Variants in PCDHGA4 observed in about 807,000 individuals in gnomAD.
PCDHGA4 encodes protocadherin gamma subfamily A, 4.
PCDHGA4 carries 38 observed loss-of-function variants against 54.6 expected under a neutral mutation model. The ratio of observed to expected loss-of-function variants is 0.70; its 90% confidence interval spans 0.54 to 0.91. The LOEUF (loss-of-function observed/expected upper bound fraction) is 0.91, where lower values mean the gene tolerates loss of function less well. Among genes scored for constraint, PCDHGA4 ranks in the 40% least tolerant of loss-of-function variants. The pLI is 0.00. For synonymous variants in PCDHGA4, 511 were observed against 512.9 expected, an observed-to-expected ratio of 1.00 and a Z score of 0.05; for missense variants, 1,298 against 1,220.9, an observed-to-expected ratio of 1.06 and a Z score of -0.94.
At chr5:141,357,644 C>A in intron 1 of PCDHGA4, 23 bp downstream of exon 1, 4 of 1,610,538 alleles carry the variant, frequency 2.5e-6, no homozygotes, top group Non-Finnish European at 2.5e-6. Flanking sequence ...TATAATAGAT[C>A]ATACCACACT....
At position 141,431,213 on chromosome 5, in the gene PCDHGA4, T is replaced by A; in HGVS notation, c.2515-63594T>A. 6.2e-7 allele frequency: 1 copy of A among 1,614,142 alleles called. No individual in the cohort carries two copies. The highest frequency in any genetic ancestry group is 8.5e-7 in the Non-Finnish European group (1 of 1,180,038). On this transcript the variant is annotated intron_variant, in intron 1 of 3. Coordinates refer to ENST00000571252, the MANE Select transcript of PCDHGA4 (RefSeq NM_018917.4). The surrounding 1 kb of genome is among the most constrained non-coding windows in gnomAD (Gnocchi z 4.8). ...TGAAAATGCAGCCACTGAGATGCGG[T>A]TCCCTCTACCCCACGCCTGGGATCC...
intron 1 of PCDHGA4, chr5:141,413,678 T>G (rs201325660): frequency 5.6e-6 from 9 of 1,613,632 alleles, no homozygotes; most frequent in Non-Finnish European, 7.6e-6. Flanking sequence ...GATGTGGGCG[T>G]GAACTCCCTG....
At chr5:141,374,511 T>G in intron 1 of PCDHGA4, 1 of 1,611,912 alleles carries the variant, frequency 6.2e-7, no homozygotes, top group Non-Finnish European at 8.5e-7. Flanking sequence ...GTGAAAATTC[T>G]CGAAAACGCA....
rs202040451 is a variant in PCDHGA4, at chr5:141,382,987, C to A, written c.2514+25366C>A. The A allele has an allele frequency of 1.5e-4, 247 of 1,613,278 alleles. 1 individual carries two copies. The East Asian group carries it at 4.5e-3, about 30-fold the overall frequency. On this transcript the variant is annotated intron_variant, in intron 1 of 3. Transcript: ENST00000571252. ...GACCCCCTGGGAAGCCTGGGCAGGA[C>A]GTATTCTCTACTCCGTGTCGGAGGA...
chr5:141,475,938 G>T (rs756781296), intron 1 of PCDHGA4: 22 of 682,776 alleles, frequency 3.2e-5, no homozygotes, highest in African/African-American at 7.2e-5. Flanking sequence ...GCCCCTGCCC[G>T]TCCCCTTTCT....
At position 141,507,794 on chromosome 5, in the gene PCDHGA4, C is replaced by CT. The variant is rs576191739; in HGVS notation, c.2662+2314dup. On this transcript the variant is annotated intron_variant, in intron 3 of 3. Coordinates refer to ENST00000571252, the MANE Select transcript of PCDHGA4 (RefSeq NM_018917.4). ...CACAGGGCCTGACCCTCGTCTAAGC[C>CT]TGCGCCCTGGGGAACGGACCCTGGG... 7.9e-4 allele frequency among the ~76,000 whole-genome samples: 120 copies of CT among 152,356 alleles called. 2 individuals carry two copies. The highest frequency in any genetic ancestry group is 2.8e-3 in the African/African-American group (115 of 41,592).
rs1457765340 is a variant in PCDHGA4 at position 141,491,122 on chromosome 5, G to GT, written c.2515-3684dup. 1 of 1,614,058 alleles carries GT rather than the reference G, an allele frequency of 6.2e-7. No homozygotes were observed. Among genetic ancestry groups the GT allele is most frequent in the Non-Finnish European group, 8.5e-7 (1 of 1,180,036 alleles). Reference sequence around the variant, plus strand: ...CCTCGTGTCTACACACACTGGTGAGGTGCGCACAGCCCGGGCCTTACTGGA... The same window carrying GT: ...CCTCGTGTCTACACACACTGGTGAGGTTGCGCACAGCCCGGGCCTTACTGGA... On this transcript the variant is annotated intron_variant, in intron 1 of 3. Coordinates refer to ENST00000571252, the MANE Select transcript of PCDHGA4 (RefSeq NM_018917.4). The surrounding 1 kb of genome is among the most constrained non-coding windows in gnomAD (Gnocchi z 6.9).
chr5:141,371,529 A>G lies in PCDHGA4; in HGVS notation c.2514+13908A>G, dbSNP rs200031435. The G allele has an allele frequency of 3.3e-4, 527 of 1,613,610 alleles. No homozygotes were observed. The highest frequency in any genetic ancestry group is 8.3e-4 in the Admixed American group (50 of 59,952). On this transcript the variant is annotated intron_variant, in intron 1 of 3. Transcript: ENST00000571252. ...AACACATGATCTAGATTCTGGATTTAATGGAGAAATCCTATGCCAACTAAA... is the reference window on the plus strand; with the variant it reads ...AACACATGATCTAGATTCTGGATTTGATGGAGAAATCCTATGCCAACTAAA...
intron 1 of PCDHGA4, chr5:141,441,894 G>T: frequency 2.9e-6 from 1 of 347,862 alleles, no homozygotes; most frequent in Non-Finnish European, 5.6e-6. Context: ...CCAAGGTGGT[G>T]GCTGTAGACG....
At chr5:141,445,086 A>T (rs190267063) in intron 1 of PCDHGA4, among the ~76,000 whole-genome samples, 163 of 152,322 alleles carry the variant, frequency 1.1e-3, no homozygotes, top group African/African-American at 3.6e-3. Flanking sequence ...TTGTCCCTAC[A>T]TATTTGATGT....
intron 1 of PCDHGA4, chr5:141,370,525 G>T: frequency 1.2e-6 from 2 of 1,613,874 alleles, no homozygotes; most frequent in Non-Finnish European, 1.7e-6. Flanking sequence ...CTGGACAGGG[G>T]CTCGCTGGTA....
chr5:141,363,333 A>G (rs899178118), intron 1 of PCDHGA4, among the ~76,000 whole-genome samples: 3 of 152,286 alleles, frequency 2.0e-5, no homozygotes, highest in Non-Finnish European at 2.9e-5. Flanking sequence ...GTTATTAAAT[A>G]AAATGACTTT....
chr5:141,413,880 T>G, intron 1 of PCDHGA4: 1 of 1,613,420 alleles, frequency 6.2e-7, no homozygotes, highest in Non-Finnish European at 8.5e-7. Flanking sequence ...TCAGTGTGAC[T>G]GTCTTCGATG....
intron 1 of PCDHGA4, chr5:141,415,772 T>TA (rs763083459): frequency 1.1e-5 from 15 of 1,332,970 alleles, no homozygotes; most frequent in Non-Finnish European, 1.3e-5. Flanking sequence ...TTTTTTTTTT[T>TA]ACTTTCTGGT....
At chr5:141,383,288 T>A (rs1441416956) in intron 1 of PCDHGA4, 2 of 1,613,768 alleles carry the variant, frequency 1.2e-6, no homozygotes, top group Middle Eastern at 1.6e-4. Flanking sequence ...AATGACAACG[T>A]TCCAAGATTC....
intron 1 of PCDHGA4, chr5:141,395,547 TGTGTGTGTGTGTGTGTGTGTGTGTGTG>T: frequency 5.8e-6 from 1 of 173,894 alleles, no homozygotes; most frequent in Non-Finnish European, 1.2e-5. Flanking sequence ...ATTGTTTGTG[TGTGTGTGTGTGTGTGTGTGTGTGTGTG>T]TGTGTGTGTG....
intron 1 of PCDHGA4, chr5:141,410,140 G>C: frequency 6.2e-7 from 1 of 1,612,782 alleles, no homozygotes; most frequent in Non-Finnish European, 8.5e-7. Context: ...TGGTCGCTGT[G>C]CGTGACGGTG....
chr5:141,364,207 C>T (rs1763218891), intron 1 of PCDHGA4: 1 of 1,184,316 alleles, frequency 8.4e-7, no homozygotes, highest in African/African-American at 1.5e-5. Context: ...ACCAGACAAG[C>T]TCCTACGAAA....
At chr5:141,399,720 C>G (rs1217371004) in intron 1 of PCDHGA4, 2 of 1,613,306 alleles carry the variant, frequency 1.2e-6, no homozygotes, top group South Asian at 2.2e-5. Context: ...TACAGGCCCG[C>G]GACCAGGGCT....
Sources: allele counts gnomAD v4.1 joint callset (sites outside exome capture counted in the v4.1 genomes callset), GRCh38; gene constraint gnomAD v4.1.1; non-coding constraint Gnocchi (gnomAD v3.1); transcripts MANE v1.5; gene names NCBI Gene and HGNC (gene_info 2026-07-23, HGNC 2026-07-21).